The following PLSCR4 variants were observed in gnomAD, a reference collection of about 807,000 sequenced individuals.
The protein encoded by PLSCR4 is Ca(2+)-dependent phospholipid scramblase 4.
A neutral mutation model predicts 36.3 loss-of-function variants in PLSCR4; 25 were observed. The observed-to-expected ratio is 0.69, with a 90% confidence interval of 0.50 to 0.96. The LOEUF (loss-of-function observed/expected upper bound fraction) is 0.96. Among genes scored for constraint, PLSCR4 ranks in the 40% least tolerant of loss-of-function variants. PLSCR4 has a pLI of 0.00. For synonymous variants in PLSCR4, 122 were observed against 132.9 expected (o/e 0.92, Z 0.56); for missense variants, 408 against 414.7 (o/e 0.98, Z 0.14).
At chr3:146,227,897 T>C (rs1034040507) in intron 1 of PLSCR4, among the ~76,000 whole-genome samples, 1 of 152,264 alleles carries the variant, frequency 6.6e-6, no homozygotes, top group Non-Finnish European at 1.5e-5. Context: ...ATGTAACTGA[T>C]AGGAGATTAT....
intron 1 of PLSCR4, among the ~76,000 whole-genome samples, chr3:146,225,394 C>T (rs566913255): frequency 1.3e-5 from 2 of 152,336 alleles, no homozygotes; most frequent in East Asian, 3.9e-4. Context: ...AGCAGGGCTG[C>T]AGGTGGAGCT....
chr3:146,223,550 A>C (rs1423027628), intron 1 of PLSCR4, among the ~76,000 whole-genome samples: 1 of 152,224 alleles, frequency 6.6e-6, no homozygotes. Flanking sequence ...GGAGTAAAAA[A>C]GTATCAAGTT....
chr3:146,218,391 A>G (rs1172740016), intron 3 of PLSCR4, among the ~76,000 whole-genome samples: 1 of 151,950 alleles, frequency 6.6e-6, no homozygotes, highest in Non-Finnish European at 1.5e-5. Flanking sequence ...TACTTTTAAT[A>G]TAAAAGCACC....
At chr3:146,212,531 G>T (rs552616613) in intron 3 of PLSCR4, among the ~76,000 whole-genome samples, 1 of 149,960 alleles carries the variant, frequency 6.7e-6, no homozygotes, top group African/African-American at 2.4e-5. Flanking sequence ...GTTCACTGCA[G>T]TCTCAAATCC....
chr3:146,221,920 T>C, intron 2 of PLSCR4, 145 bp downstream of exon 2: 1 of 402,908 alleles, frequency 2.5e-6, no homozygotes, highest in East Asian at 4.1e-5. Context: ...TATACATACA[T>C]ATATATATGC....
intron 2 of PLSCR4, among the ~76,000 whole-genome samples, chr3:146,221,811 A>G (rs1257035547): frequency 2.0e-5 from 3 of 152,002 alleles, no homozygotes; most frequent in African/African-American, 7.3e-5. Context: ...TTCCCCACAA[A>G]CTTCAAAGAT....
chr3:146,225,639 G>C (rs1395004948), intron 1 of PLSCR4, among the ~76,000 whole-genome samples: 1 of 152,194 alleles, frequency 6.6e-6, no homozygotes, highest in African/African-American at 2.4e-5. Flanking sequence ...GGCACTGCTG[G>C]AGGACTCACT....
At chr3:146,237,481 T>C (rs2035965067) in intron 1 of PLSCR4, among the ~76,000 whole-genome samples, 1 of 152,132 alleles carries the variant, frequency 6.6e-6, no homozygotes, top group Non-Finnish European at 1.5e-5. Context: ...CATTAGGCTA[T>C]AACATGAGCC....
chr3:146,230,478 GA>G (rs1421719471), intron 1 of PLSCR4, among the ~76,000 whole-genome samples: 1 of 152,102 alleles, frequency 6.6e-6, no homozygotes, highest in Non-Finnish European at 1.5e-5. Flanking sequence ...TTCCTCCCTG[GA>G]AAGTGGCTCA....
chr3:146,194,563 A>C (rs1027084857), intron 8 of PLSCR4, 108 bp from the exon 9 acceptor site: 5 of 670,590 alleles, frequency 7.5e-6, no homozygotes, highest in Non-Finnish European at 1.3e-5. Flanking sequence ...CAGTTAAAAT[A>C]CATAAATTTA....
intron 1 of PLSCR4, among the ~76,000 whole-genome samples, chr3:146,235,105 A>G (rs2035862307): frequency 6.6e-6 from 1 of 152,194 alleles, no homozygotes; most frequent in Non-Finnish European, 1.5e-5. Flanking sequence ...TATAGTTCAG[A>G]AAGAACCAGA....
intron 3 of PLSCR4, 38 bp from the exon 4 acceptor site, chr3:146,206,799 A>T: frequency 7.7e-7 from 1 of 1,293,850 alleles, no homozygotes; most frequent in Non-Finnish European, 1.1e-6. Context: ...TATATTATTA[A>T]CACTAAAGTT....
Position 146,214,403 on chromosome 3 carries a change from G to A in PLSCR4, c.118+6412C>T, listed in dbSNP as rs547857700. Among the ~76,000 whole-genome samples, 54 of 9,574 alleles carry A rather than the reference G, an allele frequency of 5.6e-3. 21 individuals are homozygous for A. The highest frequency in any genetic ancestry group is 0.014 in the African/African-American group (50 of 3,582). 6.3% of individuals were successfully genotyped at this position (9,574 alleles called of 152,430 possible). A position where few individuals can be genotyped will look rare whatever the true frequency, so the allele number is the denominator to read the frequency against. ...CTCCCAAAGTGCTGGGATTACAGGC[G>A]TGAGCCACCGCGCCCGGCCCTCTTC... On this transcript the variant is annotated intron_variant, in intron 3 of 8. Coordinates refer to ENST00000354952, the MANE Select transcript of PLSCR4 (RefSeq NM_020353.3).
intron 1 of PLSCR4, among the ~76,000 whole-genome samples, chr3:146,238,562 CAG>C (rs1426090092): frequency 1.3e-5 from 2 of 151,768 alleles, no homozygotes; most frequent in Non-Finnish European, 2.9e-5. Context: ...CAATAGATGA[CAG>C]AAAAAATATT....
At chr3:146,220,664 T>C in intron 3 of PLSCR4, 151 bp downstream of exon 3, 1 of 604,506 alleles carries the variant, frequency 1.7e-6, no homozygotes, top group Non-Finnish European at 2.9e-6. Context: ...ATATTCTAAC[T>C]GACATATAGT....
At chr3:146,200,628 G>C (rs559654619) in intron 5 of PLSCR4, among the ~76,000 whole-genome samples, 1 of 152,080 alleles carries the variant, frequency 6.6e-6, no homozygotes, top group Non-Finnish European at 1.5e-5. Flanking sequence ...TCTATTTCCA[G>C]CTCTGCCACT....
intron 1 of PLSCR4, among the ~76,000 whole-genome samples, chr3:146,243,323 A>G (rs2036223678): frequency 6.6e-6 from 1 of 152,070 alleles, no homozygotes; most frequent in African/African-American, 2.4e-5. Context: ...TCTTATCATC[A>G]TGATCCTGAC....
chr3:146,206,499 A>G lies in PLSCR4; in HGVS notation c.354+27T>C, dbSNP rs199694712. 1,879 of 1,528,020 alleles carry G rather than the reference A, an allele frequency of 1.2e-3. 4 individuals are homozygous for G. The highest frequency in any genetic ancestry group is 1.6e-3 in the Non-Finnish European group (1,725 of 1,102,164). The allele number at this position is 1,528,020 out of a possible 1,614,324, so 94.7% of individuals were successfully genotyped here. On this transcript the variant is annotated intron_variant, in intron 4 of 8. Coordinates refer to ENST00000354952, the MANE Select transcript of PLSCR4 (RefSeq NM_020353.3). ...GATCCCTATGGTCACATTTCATAAGAAAATAATTTGTATTTTCATGGAGTA... is the reference window on the plus strand; with the variant it reads ...GATCCCTATGGTCACATTTCATAAGGAAATAATTTGTATTTTCATGGAGTA...
At chr3:146,227,941 A>C (rs1243201158) in intron 1 of PLSCR4, among the ~76,000 whole-genome samples, 3 of 152,220 alleles carry the variant, frequency 2.0e-5, no homozygotes, top group Admixed American at 6.5e-5. Flanking sequence ...CTTTAAGAAT[A>C]CCTGGAGAAA....
Sources: allele counts gnomAD v4.1 joint callset (sites outside exome capture counted in the v4.1 genomes callset), GRCh38; gene constraint gnomAD v4.1.1; transcripts MANE v1.5; gene names NCBI Gene and HGNC (gene_info 2026-07-23, HGNC 2026-07-21).